The following PANK3 variants were observed in gnomAD, a reference collection of about 807,000 sequenced individuals.
The protein encoded by PANK3 is pantothenate kinase 3, also known as hPanK3.
In PANK3, 20 loss-of-function variants were observed where a neutral mutation model predicts 39.4. The ratio of observed to expected loss-of-function variants is 0.51; its 90% CI spans 0.36 to 0.74. The LOEUF (loss-of-function observed/expected upper bound fraction) is 0.74. Ranked by LOEUF, PANK3 falls within the 30% of genes least tolerant of loss-of-function variation. The pLI, the probability that PANK3 is intolerant of heterozygous loss-of-function variation, is 0.00. For missense variants in PANK3, 265 were observed against 437.0 expected, an observed-to-expected ratio of 0.61 and a Z score of 3.51; for synonymous variants, 140 against 157.3, an observed-to-expected ratio of 0.89 and a Z score of 0.82.
chr5:168,569,688 A>G (rs1405866119), intron 1 of PANK3, among the ~76,000 whole-genome samples: 1 of 152,126 alleles, frequency 6.6e-6, no homozygotes, highest in Non-Finnish European at 1.5e-5. Flanking sequence ...CTTTGTTTCT[A>G]TAAGCATTTT....
At chr5:168,570,853 T>A (rs1303925027) in intron 1 of PANK3, among the ~76,000 whole-genome samples, 1 of 152,140 alleles carries the variant, frequency 6.6e-6, no homozygotes, top group Non-Finnish European at 1.5e-5. Flanking sequence ...GTGTACAGGA[T>A]AATATAAATG....
At chr5:168,573,456 A>G (rs1759680649) in intron 1 of PANK3, among the ~76,000 whole-genome samples, 1 of 145,256 alleles carries the variant, frequency 6.9e-6, no homozygotes, top group African/African-American at 2.5e-5. Context: ...AGGCACAAAG[A>G]AGGCAGCACA....
chr5:168,573,148 A>T (rs1250551567), intron 1 of PANK3, among the ~76,000 whole-genome samples: 1 of 152,092 alleles, frequency 6.6e-6, no homozygotes. Context: ...AGGAACCATA[A>T]TATGCAAACC....
chr5:168,570,430 A>C (rs527714961), intron 1 of PANK3, among the ~76,000 whole-genome samples: 43 of 151,560 alleles, frequency 2.8e-4, no homozygotes, highest in Non-Finnish European at 5.6e-4. Flanking sequence ...GAAAATCATC[A>C]TCTCCTCTAC....
intron 4 of PANK3, 116 bp downstream of exon 4, chr5:168,563,773 C>G: frequency 1.1e-6 from 1 of 876,790 alleles, no homozygotes. Flanking sequence ...AACTTGGAAC[C>G]TAAACTGGAT....
chr5:168,572,362 G>A (rs1245038177), intron 1 of PANK3, among the ~76,000 whole-genome samples: 2 of 152,040 alleles, frequency 1.3e-5, no homozygotes. Flanking sequence ...GTGTGTGTGT[G>A]CAACAAGGCT....
In PANK3 at chr5:168,549,798, G is replaced by C. The variant is rs927123796; in HGVS notation, c.*7773C>G. On this transcript the variant is annotated 3_prime_UTR_variant, in exon 7 of 7. Transcript: ENST00000239231. ...CATTTTTGAGACAGAGTCTTACTCTGTTGCCCAGGCTGGAATACAGTGGCA... is the reference window on the plus strand; with the variant it reads ...CATTTTTGAGACAGAGTCTTACTCTCTTGCCCAGGCTGGAATACAGTGGCA... 1 of 152,174 alleles carries C rather than the reference G, an allele frequency of 6.6e-6. No homozygotes were observed. The highest frequency in any genetic ancestry group is 1.5e-5 in the Non-Finnish European group (1 of 68,048). The allele number at this position is 152,174 out of a possible 1,614,324, so 9.4% of individuals were successfully genotyped here.
chr5:168,571,339 T>C (rs372005353), intron 1 of PANK3, among the ~76,000 whole-genome samples: 2 of 152,200 alleles, frequency 1.3e-5, no homozygotes, highest in Non-Finnish European at 2.9e-5. Context: ...ATTTACTGAG[T>C]GCTCACTACC....
intron 5 of PANK3, chr5:168,560,998 A>G (rs1028338547): frequency 4.1e-6 from 2 of 493,010 alleles, no homozygotes; most frequent in Non-Finnish European, 4.3e-6. Context: ...AATTTCACTA[A>G]TCAAATGCAA....
At position 168,550,313 on chromosome 5, in the gene PANK3, C is replaced by T. The variant is rs1406187081; in HGVS notation, c.*7258G>A. 3 of 152,104 alleles carry T rather than the reference C, an allele frequency of 2.0e-5. No homozygotes were observed. Among genetic ancestry groups the T allele is most frequent in the Non-Finnish European group, 4.4e-5 (3 of 68,014 alleles). 9.4% of individuals were successfully genotyped at this position (152,104 alleles called of 1,614,324 possible). Reference sequence around the variant, plus strand: ...AAGCTGGGATGTTCAGTAGGTTAGGCGTATTAAATGTATTTTCAACTTACG... The same window carrying T: ...AAGCTGGGATGTTCAGTAGGTTAGGTGTATTAAATGTATTTTCAACTTACG... On this transcript the variant is annotated 3_prime_UTR_variant, in exon 7 of 7. Transcript: ENST00000239231.
rs1759365711 is a variant in PANK3 at position 168,557,397 on chromosome 5, T to C, written c.*174A>G. 1.3e-5 allele frequency: 8 copies of C among 601,952 alleles called. No individual in the cohort carries two copies. The highest frequency in any genetic ancestry group is 2.9e-6 in the Non-Finnish European group (1 of 342,694). 37.3% of individuals were successfully genotyped at this position (601,952 alleles called of 1,614,324 possible). ...CTGGCTATATACAAAAGGGAAAGCA[T>C]TTCAATGAGAAATACTTCACGTTAC... On this transcript the variant is annotated 3_prime_UTR_variant, in exon 7 of 7. Coordinates refer to ENST00000239231, the MANE Select transcript of PANK3 (RefSeq NM_024594.4).
chr5:168,568,427 A>C (rs1272567455), intron 2 of PANK3, among the ~76,000 whole-genome samples: 1 of 152,220 alleles, frequency 6.6e-6, no homozygotes, highest in Non-Finnish European at 1.5e-5. Flanking sequence ...GTACAGCCCT[A>C]AACAAGTTTT....
chr5:168,549,193 G>C lies in PANK3; in HGVS notation c.*8378C>G. ...CATCCTAATACTATTAGTTATATTC[G>C]GGGCAAGCAGACTAGGATATTGGTG... is the stretch of plus-strand genomic sequence containing the variant. On this transcript the variant is annotated 3_prime_UTR_variant, in exon 7 of 7. Coordinates refer to ENST00000239231, the MANE Select transcript of PANK3 (RefSeq NM_024594.4). The C allele has an allele frequency of 6.6e-6, 1 of 151,950 alleles. No individual in the cohort carries two copies. The highest frequency in any genetic ancestry group is 1.5e-5 in the Non-Finnish European group (1 of 68,000). The allele number at this position is 151,950 out of a possible 1,614,324, so 9.4% of individuals were successfully genotyped here. A position where few individuals can be genotyped will look rare whatever the true frequency, so the allele number is the denominator to read the frequency against.
intron 4 of PANK3, among the ~76,000 whole-genome samples, chr5:168,562,624 G>T (rs956646820): frequency 1.7e-4 from 26 of 152,110 alleles, no homozygotes; most frequent in African/African-American, 6.0e-4. Flanking sequence ...AAATATTTAG[G>T]AATCAATTTA....
chr5:168,569,026 A>ATATATAT (rs1190074252), intron 1 of PANK3, 28 bp from the exon 2 acceptor site: 15 of 306,060 alleles, frequency 4.9e-5, no homozygotes, highest in African/African-American at 4.6e-4. Context: ...AAAAAAAAAA[A>ATATATAT]AAAAATATAT....
chr5:168,573,325 C>T (rs1051051953), intron 1 of PANK3, among the ~76,000 whole-genome samples: 1 of 146,666 alleles, frequency 6.8e-6, no homozygotes, highest in Non-Finnish European at 1.5e-5. Context: ...ACACTGAAAT[C>T]CTTTCAATTC....
intron 4 of PANK3, among the ~76,000 whole-genome samples, chr5:168,563,236 T>A (rs1759473486): frequency 6.6e-6 from 1 of 152,196 alleles, no homozygotes; most frequent in Non-Finnish European, 1.5e-5. Context: ...TAAATTCAAC[T>A]GTATAACAAT....
intron 3 of PANK3, 111 bp downstream of exon 3, chr5:168,565,902 T>G: frequency 1.7e-6 from 1 of 579,894 alleles, no homozygotes; most frequent in Non-Finnish European, 2.6e-6. Context: ...TTTTTTGCTG[T>G]TGTGCAAATA....
intron 1 of PANK3, among the ~76,000 whole-genome samples, chr5:168,569,322 C>CT (rs1473752769): frequency 1.3e-5 from 2 of 150,154 alleles, no homozygotes; most frequent in Admixed American, 1.3e-4. Context: ...GTAGCTGGGA[C>CT]TACAGGTGCC....
Sources: gnomAD v4.1 joint callset for allele counts (sites outside exome capture counted in the v4.1 genomes callset) on GRCh38, gnomAD v4.1.1 for gene constraint, MANE v1.5 for transcripts, NCBI Gene and HGNC (gene_info 2026-07-23, HGNC 2026-07-21) for gene names.